The following ABL1 variants were observed in gnomAD, a reference collection of about 807,000 sequenced individuals.
The protein encoded by ABL1 is ABL proto-oncogene 1, non-receptor tyrosine kinase.
A neutral mutation model predicts 94.7 loss-of-function variants in ABL1; 11 were observed. The ratio of observed to expected loss-of-function variants is 0.12; its 90% CI spans 0.07 to 0.19. ABL1 has a LOEUF of 0.19. Among genes scored for constraint, ABL1 ranks in the 10% least tolerant of loss-of-function variants. The pLI is 1.00. For synonymous variants in ABL1, 656 were observed against 622.4 expected (o/e 1.05, Z -0.80); for missense variants, 1,082 against 1,489.4 (o/e 0.73, Z 4.50).
At chr9:130,776,261 C>A (rs2855172) in intron 1 of ABL1, among the ~76,000 whole-genome samples, 65,011 of 152,000 alleles carry the variant, frequency 0.43, 14,283 homozygotes, top group Middle Eastern at 0.52. Flanking sequence ...ATACTCAATC[C>A]TCTGTGAAAT....
chr9:130,718,092 C>T (rs1410182686), intron 1 of ABL1, among the ~76,000 whole-genome samples: 4 of 151,226 alleles, frequency 2.6e-5, no homozygotes, highest in Admixed American at 6.6e-5. Flanking sequence ...ATGAGGCAGG[C>T]GGATCACTTG....
intron 1 of ABL1, among the ~76,000 whole-genome samples, chr9:130,802,246 AC>A (rs1466463774): frequency 1.3e-5 from 2 of 151,878 alleles, no homozygotes; most frequent in Non-Finnish European, 2.9e-5. Flanking sequence ...GGCACGTGCC[AC>A]CACGCCTGGC....
chr9:130,878,636 G>A lies in ABL1; in HGVS notation c.1423+69G>A, dbSNP rs1831393312. ...CCAGGAAATTCAACTGTGCAGGAGT[G>A]TGTACACAAAGTTGAAAGTTTTTCC... On this transcript the variant is annotated intron_variant, in intron 8 of 10. Coordinates refer to ENST00000318560, the MANE Select transcript of ABL1 (RefSeq NM_005157.6). 4 of 1,554,022 alleles carry A rather than the reference G, an allele frequency of 2.6e-6. No individual in the cohort carries two copies. In the South Asian group the frequency reaches 3.6e-5, roughly 14 times the overall value.
Position 130,859,672 on chromosome 9 carries a change from CTTTCCTTTTT to C in ABL1, c.550-3087_550-3078del, listed in dbSNP as rs1224676337. 4.8e-3 allele frequency among the ~76,000 whole-genome samples: 412 copies of C among 86,562 alleles called. 17 individuals carry two copies. Among genetic ancestry groups the C allele is most frequent in the African/African-American group, 0.018 (383 of 21,308 alleles). 56.8% of individuals were successfully genotyped at this position (86,562 alleles called of 152,430 possible). ...AAAAGAAACGCTGTTTCTTTTCTTT[CTTTCCTTTTT>C]TTTTTTTTTTTTTTTTTTTTTTTTG... On this transcript the variant is annotated intron_variant, in intron 3 of 10. Coordinates refer to ENST00000318560, the MANE Select transcript of ABL1 (RefSeq NM_005157.6).
At position 130,854,153 on chromosome 9, in the gene ABL1, G is replaced by A. The variant is rs143047485; in HGVS notation, c.169G>A (p.Gly57Arg). The A allele has an allele frequency of 6.8e-6, 11 of 1,614,070 alleles. No homozygotes were observed. The highest frequency in any genetic ancestry group is 9.3e-6 in the Non-Finnish European group (11 of 1,180,044). The change falls in exon 2 of 11, where the codon GGA becomes AGA. Residue 57 changes from glycine (G) to arginine (R), a missense_variant. By Grantham distance (125) the Gly-to-Arg change is moderately radical (BLOSUM62 -2). Transcript: ENST00000318560. ...RWNSKENLLA[G>R]PSENDPNLFV... ...GAACTCCAAGGAAAACCTTCTCGCT[G>A]GACCCAGTGAAAATGACCCCAACCT...
At position 130,885,883 on chromosome 9, in the gene ABL1, T is replaced by C; in HGVS notation, c.*200T>C. The C allele has an allele frequency of 1.6e-6, 1 of 637,528 alleles. No homozygotes were observed. The highest frequency in any genetic ancestry group is 2.2e-5 in the South Asian group (1 of 46,332). 39.5% of individuals were successfully genotyped at this position (637,528 alleles called of 1,614,324 possible). On this transcript the variant is annotated 3_prime_UTR_variant, in exon 11 of 11. Coordinates refer to ENST00000318560, the MANE Select transcript of ABL1 (RefSeq NM_005157.6). ...CACCGCCTGCCCTCCCGCACCTTCC[T>C]CCTCCCCGCTCCGTCTCTGTCCTCG...
intron 1 of ABL1, among the ~76,000 whole-genome samples, chr9:130,849,564 G>C (rs1588266594): frequency 1.3e-5 from 2 of 151,938 alleles, no homozygotes; most frequent in East Asian, 3.9e-4. Context: ...CTGTTGCCCA[G>C]GCAGAGTGCA....
At chr9:130,848,347 A>G (rs920978590) in intron 1 of ABL1, among the ~76,000 whole-genome samples, 1 of 100,210 alleles carries the variant, frequency 1.0e-5, no homozygotes, top group Non-Finnish European at 2.0e-5. Context: ...CTGAAAATGA[A>G]AAAAAAAAAA....
At position 130,886,882 on chromosome 9, in the gene ABL1, G is replaced by A. The variant is rs1199395971; in HGVS notation, c.*1199G>A. 4 of 233,174 alleles carry A rather than the reference G, an allele frequency of 1.7e-5. No individual in the cohort carries two copies. Among genetic ancestry groups the A allele is most frequent in the Admixed American group, 5.6e-5 (1 of 17,766 alleles). The allele number at this position is 233,174 out of a possible 1,614,324, so 14.4% of individuals were successfully genotyped here. On this transcript the variant is annotated 3_prime_UTR_variant, in exon 11 of 11. Coordinates refer to ENST00000318560, the MANE Select transcript of ABL1 (RefSeq NM_005157.6). ...TCCTGGCTGCACTCTTGAACTGGGC[G>A]AATGTCTTATTTAATTACCGTGAGT...
rs368596149 is a variant in ABL1 at position 130,786,876 on chromosome 9, A to G, written c.137-67188A>G. On this transcript the variant is annotated intron_variant, in intron 1 of 10. Transcript: ENST00000372348. ...AAAAAAACATCTTGGACCAATAAGGATGGAAGAAAAGTATCGGAAAACTAG... is the reference window on the plus strand; with the variant it reads ...AAAAAAACATCTTGGACCAATAAGGGTGGAAGAAAAGTATCGGAAAACTAG... 5.9e-5 allele frequency among the ~76,000 whole-genome samples: 9 copies of G among 152,368 alleles called. No homozygotes were observed. The East Asian group carries it at 1.7e-3, about 29-fold the overall frequency.
At chr9:130,820,197 A>T (rs993775341) in intron 1 of ABL1, among the ~76,000 whole-genome samples, 1 of 152,164 alleles carries the variant, frequency 6.6e-6, no homozygotes, top group African/African-American at 2.4e-5. Flanking sequence ...GATCTTAAGC[A>T]ATTTACCATG....
chr9:130,725,824 G>GTTTTCTTTT (rs1831574495), intron 1 of ABL1, among the ~76,000 whole-genome samples: 1 of 76,002 alleles, frequency 1.3e-5, no homozygotes, highest in Non-Finnish European at 2.4e-5. Context: ...GTGTATGGTG[G>GTTTTCTTTT]TTTTTTTTTT....
At chr9:130,822,439 CTTTTTTTTTTT>C (rs35922505) in intron 1 of ABL1, among the ~76,000 whole-genome samples, 16 of 104,400 alleles carry the variant, frequency 1.5e-4, no homozygotes, top group African/African-American at 6.1e-4. Context: ...CCCGCCCCTG[CTTTTTTTTTTT>C]TTTTTTTTTT....
chr9:130,863,122 T>A lies in ABL1; in HGVS notation c.822+87T>A. 14 of 1,421,448 alleles carry A rather than the reference T, an allele frequency of 9.8e-6. No homozygotes were observed. Among genetic ancestry groups the A allele is most frequent in the Non-Finnish European group, 1.3e-5 (14 of 1,067,012 alleles). 88.1% of individuals were successfully genotyped at this position (1,421,448 alleles called of 1,614,324 possible). On this transcript the variant is annotated intron_variant, in intron 4 of 10. Transcript: ENST00000318560. This position sits in a 1 kb window ranked among gnomAD's most constrained non-coding sequence, Gnocchi z 4.3. ...CGATGCATCTGCCTGGAAGTCTACC[T>A]CCTGCCTGCTGTCCGAGGGCTTCAT...
chr9:130,802,785 G>T (rs903510325), intron 1 of ABL1, among the ~76,000 whole-genome samples: 1 of 152,194 alleles, frequency 6.6e-6, no homozygotes, highest in Admixed American at 6.5e-5. Flanking sequence ...TTACTGGACT[G>T]TATGAATGTC....
intron 4 of ABL1, among the ~76,000 whole-genome samples, chr9:130,867,067 G>A (rs1000074572): frequency 1.3e-5 from 2 of 152,214 alleles, no homozygotes; most frequent in African/African-American, 2.4e-5. Context: ...AATAGAATTT[G>A]GAAAAGACCG....
At chr9:130,713,907 C>G in exon 1 of ABL1, 1 of 233,080 alleles carries the variant, frequency 4.3e-6, no homozygotes. Flanking sequence ...AGGAAAAGTT[C>G]TGGAGGAGTA....
chr9:130,797,621 C>T (rs546442321), intron 1 of ABL1, among the ~76,000 whole-genome samples: 3 of 152,276 alleles, frequency 2.0e-5, no homozygotes, highest in African/African-American at 7.2e-5. Context: ...GTGATCCGCC[C>T]TCCTCAGCCT....
At chr9:130,882,856 T>C (rs1236145610) in intron 10 of ABL1, among the ~76,000 whole-genome samples, 2 of 152,162 alleles carry the variant, frequency 1.3e-5, no homozygotes, top group Admixed American at 6.5e-5. Flanking sequence ...TCTTATGAGC[T>C]ATGATTCATA....
Sources: gnomAD v4.1 joint callset for allele counts (sites outside exome capture counted in the v4.1 genomes callset) on GRCh38, gnomAD v4.1.1 for gene constraint, Gnocchi (gnomAD v3.1) non-coding constraint, MANE v1.5 for transcripts, NCBI Gene and HGNC (gene_info 2026-07-23, HGNC 2026-07-21) for gene names.